The following AVEN variants were observed in gnomAD, a reference collection of about 807,000 sequenced individuals.
AVEN encodes the protein apoptosis and caspase activation inhibitor, also known as cell death regulator Aven.
AVEN carries 41 observed loss-of-function variants against 38.1 expected under a neutral mutation model. That is an observed-to-expected ratio of 1.08 (90% CI 0.84 to 1.40). The LOEUF is 1.40. Among genes scored for constraint, AVEN ranks in the 40% most tolerant of loss-of-function variants. The pLI, the probability that AVEN is intolerant of heterozygous loss-of-function variation, is 0.00. For missense variants in AVEN, 605 were observed against 438.8 expected, an observed-to-expected ratio of 1.38 and a Z score of -3.38; for synonymous variants, 206 against 171.8, an observed-to-expected ratio of 1.20 and a Z score of -1.56.
intron 4 of AVEN, among the ~76,000 whole-genome samples, chr15:33,869,112 T>C (rs1890827073): frequency 6.6e-6 from 1 of 152,140 alleles, no homozygotes; most frequent in African/African-American, 2.4e-5. Context: ...CAGGAATAAA[T>C]ATCCAGCAGA....
chr15:33,867,470 A>G (rs1291454448), intron 5 of AVEN, 25 bp downstream of exon 5: 4 of 1,542,310 alleles, frequency 2.6e-6, no homozygotes, highest in African/African-American at 2.8e-5. Context: ...ATCAAGATTC[A>G]CGGGGAATAA....
chr15:33,976,434 C>A (rs2039074728), intron 2 of AVEN, among the ~76,000 whole-genome samples: 1 of 149,042 alleles, frequency 6.7e-6, no homozygotes, highest in Admixed American at 6.8e-5. Flanking sequence ...TTATTTTAAA[C>A]CAACAACCAA....
chr15:34,012,968 A>AT (rs1162265360), intron 1 of AVEN, among the ~76,000 whole-genome samples: 2 of 152,094 alleles, frequency 1.3e-5, no homozygotes, highest in African/African-American at 4.8e-5. Flanking sequence ...AATTTCCTAA[A>AT]TTCCCCACCA....
chr15:33,979,904 T>C (rs1029412181), intron 2 of AVEN, among the ~76,000 whole-genome samples: 4 of 152,232 alleles, frequency 2.6e-5, no homozygotes, highest in African/African-American at 7.2e-5. Flanking sequence ...AGATTCAAGA[T>C]TGGTATTAGA....
intron 2 of AVEN, among the ~76,000 whole-genome samples, chr15:33,970,064 C>T (rs1895569021): frequency 6.6e-6 from 1 of 151,854 alleles, no homozygotes; most frequent in Admixed American, 6.6e-5. Context: ...AGTCCTACAA[C>T]AAATAATATT....
chr15:34,074,452 A>C (rs1413726524), exon 1 of AVEN, among the ~76,000 whole-genome samples: 1 of 152,232 alleles, frequency 6.6e-6, no homozygotes, highest in East Asian at 1.9e-4. Context: ...ATAGTTCTGG[A>C]GGCCAGAAGT....
At chr15:34,042,592 G>A (rs899436187), upstream of AVEN, among the ~76,000 whole-genome samples, 3 of 151,556 alleles carry the variant, frequency 2.0e-5, no homozygotes, top group African/African-American at 7.3e-5. Context: ...TAGTAGAGAC[G>A]GGGTTTCTCC....
At chr15:33,917,920 T>C (rs1893213202) in intron 2 of AVEN, among the ~76,000 whole-genome samples, 1 of 152,132 alleles carries the variant, frequency 6.6e-6, no homozygotes, top group Admixed American at 6.5e-5. Flanking sequence ...AACTTATTCA[T>C]GTAAGCAAAC....
At chr15:33,978,674 A>G (rs1226197108) in intron 2 of AVEN, among the ~76,000 whole-genome samples, 3 of 152,060 alleles carry the variant, frequency 2.0e-5, no homozygotes, top group African/African-American at 7.2e-5. Flanking sequence ...AAATAAATAA[A>G]TAAATAAATA....
At chr15:33,988,425 A>G (rs1896573279) in intron 2 of AVEN, among the ~76,000 whole-genome samples, 1 of 152,244 alleles carries the variant, frequency 6.6e-6, no homozygotes, top group Non-Finnish European at 1.5e-5. Context: ...CTACATGTAT[A>G]GAATAGAGAT....
intron 2 of AVEN, chr15:33,992,087 T>G (rs777143007): frequency 5.9e-5 from 9 of 152,194 alleles, no homozygotes; most frequent in Non-Finnish European, 1.2e-4. Context: ...CTTTTGAAGG[T>G]TTTTAAAAAG....
intron 5 of AVEN, among the ~76,000 whole-genome samples, chr15:34,062,424 G>A (rs1900365655): frequency 6.6e-6 from 1 of 151,910 alleles, no homozygotes; most frequent in Non-Finnish European, 1.5e-5. Context: ...GCGTGGTGGT[G>A]GGAGCCTGTG....
chr15:33,916,616 T>G lies in AVEN; in HGVS notation c.446-40621A>C, dbSNP rs186374061. Among the ~76,000 whole-genome samples the G allele has an allele frequency of 2.7e-3, 405 of 151,942 alleles. 1 individual carries two copies. Among genetic ancestry groups the G allele is most frequent in the Non-Finnish European group, 4.6e-3 (313 of 67,952 alleles). ...TCAACATCACTAATGATCAGGGAAA[T>G]GCAAATCAAAACCACAATGCAATAC... On this transcript the variant is annotated intron_variant, in intron 2 of 5. Transcript: ENST00000306730.
At chr15:33,886,519 G>A (rs1193453415) in intron 2 of AVEN, among the ~76,000 whole-genome samples, 2 of 152,092 alleles carry the variant, frequency 1.3e-5, no homozygotes, top group Non-Finnish European at 2.9e-5. Flanking sequence ...TAGCCAGGAT[G>A]GTCTCGATCT....
chr15:33,871,080 T>C, intron 3 of AVEN, 50 bp from the exon 4 acceptor site: 1 of 1,188,618 alleles, frequency 8.4e-7, no homozygotes, highest in Non-Finnish European at 1.1e-6. Context: ...GATTATGACC[T>C]TTTGGAAATA....
chr15:34,059,720 T>TTGCCTAGCTA lies in AVEN; in HGVS notation n.1637+3192_1637+3201dup, dbSNP rs547384338. Among the ~76,000 whole-genome samples the TTGCCTAGCTA allele has an allele frequency of 1.2e-3, 187 of 152,334 alleles. 1 individual carries two copies. The highest frequency in any genetic ancestry group is 6.8e-3 in the Middle Eastern group (2 of 294). On this transcript the variant is annotated intron_variant and non_coding_transcript_variant, in intron 5 of 11. Coordinates refer to the AVEN transcript ENST00000675287. ...AGCATCCCCAGCCTCCACCCACCTT[T>TTGCCTAGCTA]TGCCTAGCTATTGGTGACTTCATTC...
chr15:33,854,816 C>T (rs770541887), downstream of AVEN: 3 of 1,613,774 alleles, frequency 1.9e-6, no homozygotes, highest in Admixed American at 3.3e-5. Flanking sequence ...TGGGCCACTA[C>T]AATAACTTCT....
chr15:33,996,928 C>G (rs903933505), intron 2 of AVEN, among the ~76,000 whole-genome samples: 1 of 152,120 alleles, frequency 6.6e-6, no homozygotes, highest in Non-Finnish European at 1.5e-5. Flanking sequence ...GGAGGCTGTT[C>G]GAACCCATCG....
intron 2 of AVEN, among the ~76,000 whole-genome samples, chr15:33,877,120 T>C (rs1192180794): frequency 6.6e-6 from 1 of 152,200 alleles, no homozygotes; most frequent in Admixed American, 6.5e-5. Flanking sequence ...AAAGCAGTTT[T>C]ATAAAGTTTC....
Sources: allele counts gnomAD v4.1 joint callset (sites outside exome capture counted in the v4.1 genomes callset), GRCh38; gene constraint gnomAD v4.1.1; transcripts MANE v1.5; gene names NCBI Gene and HGNC (gene_info 2026-07-23, HGNC 2026-07-21).